The following SYNDIG1L variants were observed in gnomAD, a reference collection of about 807,000 sequenced individuals.
SYNDIG1L encodes the protein synapse differentiation-inducing gene protein 1-like.
In SYNDIG1L, 13 loss-of-function variants were observed where a neutral mutation model predicts 20.1. The observed-to-expected ratio is 0.65, with a 90% CI of 0.42 to 1.03. The LOEUF (loss-of-function observed/expected upper bound fraction) is 1.03. SYNDIG1L is among the 50% of genes least tolerant of loss of function. The pLI is 0.00. For synonymous variants in SYNDIG1L, 128 were observed against 129.3 expected, an observed-to-expected ratio of 0.99 and a Z score of 0.07; for missense variants, 294 against 305.1, an observed-to-expected ratio of 0.96 and a Z score of 0.27.
intron 1 of SYNDIG1L, among the ~76,000 whole-genome samples, chr14:74,411,157 A>C (rs952424332): frequency 6.6e-6 from 1 of 152,126 alleles, no homozygotes; most frequent in East Asian, 1.9e-4. Flanking sequence ...TTCTAATCTG[A>C]AGATTGGGGA....
intron 1 of SYNDIG1L, among the ~76,000 whole-genome samples, chr14:74,420,751 T>C (rs1323107960): frequency 6.6e-6 from 1 of 152,148 alleles, no homozygotes; most frequent in African/African-American, 2.4e-5. Context: ...TAATAAATCC[T>C]GTGGAAAACA....
intron 1 of SYNDIG1L, among the ~76,000 whole-genome samples, chr14:74,422,895 C>T (rs1028254819): frequency 1.3e-5 from 2 of 151,884 alleles, no homozygotes; most frequent in African/African-American, 2.4e-5. Flanking sequence ...ATGGGGGTTT[C>T]GCCATGTTGG....
the SYNDIG1L span, among the ~76,000 whole-genome samples, chr14:74,434,632 G>A: frequency 1.1e-3 from 164 of 152,066 alleles, no homozygotes; most frequent in African/African-American, 3.7e-3. Flanking sequence ...AATGAGTGAC[G>A]AGGCATGATA....
At chr14:74,459,928 C>T in the SYNDIG1L span, among the ~76,000 whole-genome samples, 1 of 152,208 alleles carries the variant, frequency 6.6e-6, no homozygotes, top group Non-Finnish European at 1.5e-5. Context: ...GCCCCTTCTG[C>T]CAGCGAGGCT....
chr14:74,470,336 G>C, the SYNDIG1L span, among the ~76,000 whole-genome samples: 1 of 152,274 alleles, frequency 6.6e-6, no homozygotes, highest in South Asian at 2.1e-4. Context: ...AGAACCCTTG[G>C]CTTGCTACAT....
the SYNDIG1L span, among the ~76,000 whole-genome samples, chr14:74,456,841 C>T: frequency 1.1e-3 from 168 of 152,176 alleles, 1 homozygote; most frequent in African/African-American, 3.9e-3. Flanking sequence ...CAGCTGTGCC[C>T]CTGCAGGAGC....
chr14:74,458,152 GT>G, the SYNDIG1L span, among the ~76,000 whole-genome samples: 1 of 151,998 alleles, frequency 6.6e-6, no homozygotes, highest in Admixed American at 6.6e-5. Flanking sequence ...TTAAACCTCA[GT>G]TTTTTCATTT....
intron 1 of SYNDIG1L, among the ~76,000 whole-genome samples, chr14:74,422,753 A>G (rs567991747): frequency 7.8e-6 from 1 of 128,932 alleles, no homozygotes; most frequent in Admixed American, 9.0e-5. Flanking sequence ...TCCCTCTATC[A>G]CCCAGGCTGC....
chr14:74,427,302 C>A (rs768280910), upstream of SYNDIG1L, among the ~76,000 whole-genome samples: 4 of 152,082 alleles, frequency 2.6e-5, no homozygotes, highest in Non-Finnish European at 4.4e-5. Flanking sequence ...GAGCAGGCTG[C>A]AGCTGGGGCT....
At position 74,413,601 on chromosome 14, in the gene SYNDIG1L, A is replaced by AT. The variant is rs201914438; in HGVS notation, c.-57-3801dup. Among the ~76,000 whole-genome samples the AT allele has an allele frequency of 8.3e-3, 1,219 of 147,050 alleles. 16 individuals are homozygous for AT. The highest frequency in any genetic ancestry group is 0.024 in the African/African-American group (980 of 40,492). The stretch of plus-strand genomic sequence containing the variant: ...TTATACTGTTTTTTCTGTTTTCCAC[A>AT]TTTTTTTTTTTTACAATGAGCATGT... On this transcript the variant is annotated intron_variant, in intron 1 of 3. Transcript: ENST00000331628.
chr14:74,436,568 G>C, the SYNDIG1L span, among the ~76,000 whole-genome samples: 2 of 151,984 alleles, frequency 1.3e-5, no homozygotes, highest in Non-Finnish European at 2.9e-5. Flanking sequence ...GCTCAGCTCA[G>C]CTGGGTGCAG....
upstream of SYNDIG1L, among the ~76,000 whole-genome samples, chr14:74,429,525 A>T (rs1218540498): frequency 1.3e-5 from 2 of 152,226 alleles, no homozygotes; most frequent in Non-Finnish European, 2.9e-5. Flanking sequence ...CTACTTCAAT[A>T]GGCCACACAC....
chr14:74,466,552 T>A, the SYNDIG1L span, among the ~76,000 whole-genome samples: 1 of 152,054 alleles, frequency 6.6e-6, no homozygotes, highest in Non-Finnish European at 1.5e-5. Context: ...TCAGGCTGCC[T>A]CCAAGGGCCA....
chr14:74,454,684 G>A, the SYNDIG1L span, among the ~76,000 whole-genome samples: 4 of 152,178 alleles, frequency 2.6e-5, no homozygotes, highest in African/African-American at 9.7e-5. Context: ...ACACTCCCTT[G>A]TACCTACTCC....
chr14:74,446,442 A>G, the SYNDIG1L span, among the ~76,000 whole-genome samples: 1 of 152,226 alleles, frequency 6.6e-6, no homozygotes, highest in Non-Finnish European at 1.5e-5. Flanking sequence ...AAAGAAGCCA[A>G]GAAAAGAGAG....
chr14:74,458,682 T>C, the SYNDIG1L span, among the ~76,000 whole-genome samples: 1 of 150,710 alleles, frequency 6.6e-6, no homozygotes, highest in Admixed American at 6.6e-5. Flanking sequence ...TCCAGAGAGC[T>C]ATTATAGCAT....
chr14:74,415,021 A>C (rs1000289471), intron 1 of SYNDIG1L, among the ~76,000 whole-genome samples: 2 of 152,162 alleles, frequency 1.3e-5, no homozygotes, highest in Non-Finnish European at 2.9e-5. Context: ...CCTGATTCCT[A>C]AGGGGCAGCT....
intron 1 of SYNDIG1L, among the ~76,000 whole-genome samples, chr14:74,419,034 T>C (rs991182634): frequency 6.6e-6 from 1 of 152,318 alleles, no homozygotes; most frequent in Admixed American, 6.5e-5. Context: ...TGGCACATCA[T>C]TCCCCAGTGC....
the SYNDIG1L span, among the ~76,000 whole-genome samples, chr14:74,473,084 C>T: frequency 2.6e-5 from 4 of 152,026 alleles, no homozygotes; most frequent in Non-Finnish European, 4.4e-5. Flanking sequence ...GTAAATTCAC[C>T]GTAAGAAATA....
Sources: allele counts gnomAD v4.1 joint callset (sites outside exome capture counted in the v4.1 genomes callset), GRCh38; gene constraint gnomAD v4.1.1; transcripts MANE v1.5; gene names NCBI Gene and HGNC (gene_info 2026-07-23, HGNC 2026-07-21).